Variants in USH2A observed in about 807,000 individuals in gnomAD.
The protein encoded by USH2A is Usher syndrome 2A (autosomal recessive, mild).
Under a neutral mutation model 538.9 loss-of-function variants are expected in USH2A, and 443 were observed. The ratio of observed to expected loss-of-function variants is 0.82; its 90% confidence interval spans 0.76 to 0.89. The LOEUF is 0.89. Among genes scored for constraint, USH2A ranks in the 40% least tolerant of loss-of-function variants. The pLI is 0.00. For synonymous variants in USH2A, 2,413 were observed against 2,273.5 expected (o/e 1.06, Z -1.75); for missense variants, 6,633 against 6,324.8 (o/e 1.05, Z -1.65).
rs182776123 is a variant in USH2A, at chr1:216,221,015, T to C, written c.2994-3465A>G. 3.3e-5 allele frequency among the ~76,000 whole-genome samples: 5 copies of C among 152,234 alleles called. No homozygotes were observed. In the East Asian group the frequency reaches 7.7e-4, roughly 24 times the overall value. ...AAATTCGGCAGAGTTTTTTTGTTTG[T>C]TTTTGTCTTAGTTTTTTCCATCAGT... On this transcript the variant is annotated intron_variant, in intron 14 of 71. Coordinates refer to ENST00000307340, the MANE Select transcript of USH2A (RefSeq NM_206933.4).
rs767265734 is a variant in USH2A, at chr1:215,625,871, C to T, written c.15520-1G>A. 7.4e-6 allele frequency: 12 copies of T among 1,613,960 alleles called. No individual in the cohort carries two copies. Among genetic ancestry groups the T allele is most frequent in the Middle Eastern group, 1.7e-4 (1 of 6,054 alleles). On this transcript the variant is annotated splice_acceptor_variant, in intron 71 of 71. Transcript: ENST00000307340. LOFTEE classifies it high-confidence loss of function. ...TCATCAGGTCCTCTTCATCCACATACTGAAAAATAAGCCAATCATCATTGG... is the reference window on the plus strand; with the variant it reads ...TCATCAGGTCCTCTTCATCCACATATTGAAAAATAAGCCAATCATCATTGG...
intron 11 of USH2A, among the ~76,000 whole-genome samples, chr1:216,285,258 T>C (rs369109727): frequency 6.6e-6 from 1 of 152,180 alleles, no homozygotes; most frequent in African/African-American, 2.4e-5. Context: ...GTGTGCAGTC[T>C]AGGGACTTGG....
intron 10 of USH2A, 61 bp downstream of exon 10, chr1:216,292,114 T>C: frequency 1.3e-6 from 2 of 1,517,178 alleles, no homozygotes; most frequent in South Asian, 1.1e-5. Context: ...TAAAATAATA[T>C]GCATTGTAGA....
chr1:216,192,731 G>T (rs1260006889), intron 19 of USH2A, among the ~76,000 whole-genome samples: 1 of 151,736 alleles, frequency 6.6e-6, no homozygotes, highest in Non-Finnish European at 1.5e-5. Context: ...AGAGAATAAG[G>T]TGATATATCT....
intron 15 of USH2A, among the ~76,000 whole-genome samples, chr1:216,213,347 G>T (rs888984812): frequency 2.1e-4 from 32 of 151,954 alleles, no homozygotes; most frequent in African/African-American, 7.5e-4. Flanking sequence ...TTGATTACCT[G>T]CTCTGGCTAA....
intron 3 of USH2A, among the ~76,000 whole-genome samples, chr1:216,395,802 A>C (rs746178663): frequency 1.6e-4 from 25 of 152,354 alleles, no homozygotes; most frequent in South Asian, 4.1e-4. Context: ...TGAACATCCT[A>C]CAATGCACAG....
chr1:215,824,043 T>C (rs996461970), intron 47 of USH2A, among the ~76,000 whole-genome samples: 4 of 152,218 alleles, frequency 2.6e-5, no homozygotes, highest in Admixed American at 1.3e-4. Flanking sequence ...TTTCCTTGCT[T>C]TTGTCAGCTT....
chr1:216,125,407 A>C (rs913008647), intron 21 of USH2A, among the ~76,000 whole-genome samples: 17 of 152,122 alleles, frequency 1.1e-4, no homozygotes, highest in African/African-American at 4.8e-5. Flanking sequence ...CTAGACATAC[A>C]CTGTTAGTAT....
At chr1:215,725,775 G>A (rs752109585) in intron 61 of USH2A, among the ~76,000 whole-genome samples, 7 of 152,198 alleles carry the variant, frequency 4.6e-5, no homozygotes, top group Non-Finnish European at 1.0e-4. Flanking sequence ...ACATCAGGGA[G>A]GGCCCATGTG....
At chr1:215,693,116 G>GTGTATATATATATA (rs112153911) in intron 61 of USH2A, among the ~76,000 whole-genome samples, 3 of 133,516 alleles carry the variant, frequency 2.2e-5, no homozygotes, top group African/African-American at 8.2e-5. Flanking sequence ...GTGTGTATGT[G>GTGTATATATATATA]TATATATATA....
intron 30 of USH2A, among the ~76,000 whole-genome samples, chr1:216,064,460 T>C (rs1339256187): frequency 6.6e-6 from 1 of 151,514 alleles, no homozygotes; most frequent in African/African-American, 2.4e-5. Flanking sequence ...ATGGGGAAAA[T>C]GTGAAAATTC....
Position 215,675,448 on chromosome 1 carries a change from G to C in USH2A, c.12463C>G (p.Pro4155Ala). 6.2e-7 allele frequency: 1 copy of C among 1,613,970 alleles called. No individual in the cohort carries two copies. The highest frequency in any genetic ancestry group is 8.5e-7 in the Non-Finnish European group (1 of 1,179,874). ...PQPLWTDEAP[P>A]DSQLAPTVHS... Reference sequence around the variant, plus strand: ...ACAGTAGGAGCCAGCTGAGAGTCTGGAGGGGCTTCATCTGTCCACAGAGGC... The same window carrying C: ...ACAGTAGGAGCCAGCTGAGAGTCTGCAGGGGCTTCATCTGTCCACAGAGGC... Residue 4155 changes from proline to alanine, a missense_variant, in exon 63 of 72, where the codon CCA becomes GCA. By Grantham distance (27) the Pro-to-Ala change is conservative (BLOSUM62 -1). Transcript: ENST00000307340.
At chr1:216,177,291 C>T (rs1368814821) in intron 20 of USH2A, among the ~76,000 whole-genome samples, 1 of 152,108 alleles carries the variant, frequency 6.6e-6, no homozygotes, top group Admixed American at 6.5e-5. Context: ...TTTTAATTTG[C>T]ATTTCCCTTT....
At chr1:216,302,635 G>A (rs891969380) in intron 9 of USH2A, among the ~76,000 whole-genome samples, 3 of 152,010 alleles carry the variant, frequency 2.0e-5, no homozygotes, top group Admixed American at 6.6e-5. Flanking sequence ...TCAAACATAG[G>A]TGACAATACA....
intron 13 of USH2A, among the ~76,000 whole-genome samples, chr1:216,242,288 C>T (rs190218947): frequency 3.3e-5 from 5 of 151,058 alleles, no homozygotes; most frequent in Admixed American, 2.6e-4. Context: ...GCAGAGCTGG[C>T]AGTGAGCCGA....
intron 67 of USH2A, among the ~76,000 whole-genome samples, chr1:215,643,421 C>T (rs897045877): frequency 5.9e-5 from 9 of 152,020 alleles, no homozygotes; most frequent in East Asian, 1.9e-4. Context: ...TGTATTTTTC[C>T]GTAACTATTG....
intron 41 of USH2A, among the ~76,000 whole-genome samples, chr1:215,879,393 A>G (rs1308328066): frequency 6.6e-6 from 1 of 152,232 alleles, no homozygotes; most frequent in Admixed American, 6.5e-5. Flanking sequence ...TCTGAAGGAC[A>G]CAGAGCAAAC....
At chr1:215,892,072 T>C (rs1211444231) in intron 40 of USH2A, among the ~76,000 whole-genome samples, 1 of 152,204 alleles carries the variant, frequency 6.6e-6, no homozygotes, top group Non-Finnish European at 1.5e-5. Flanking sequence ...AATAGAGTAA[T>C]AAAATTGTTA....
chr1:215,670,585 G>A (rs1390256204), intron 64 of USH2A, among the ~76,000 whole-genome samples: 1 of 152,140 alleles, frequency 6.6e-6, no homozygotes, highest in Non-Finnish European at 1.5e-5. Flanking sequence ...ACCGAGGCTA[G>A]AGATGTTTGC....
Sources: gnomAD v4.1 joint callset for allele counts (sites outside exome capture counted in the v4.1 genomes callset) on GRCh38, gnomAD v4.1.1 for gene constraint, MANE v1.5 for transcripts, NCBI Gene and HGNC (gene_info 2026-07-23, HGNC 2026-07-21) for gene names.